Variants in NWD1 observed in about 807,000 individuals in gnomAD.
The protein encoded by NWD1 is NACHT domain- and WD repeat-containing protein 1.
NWD1 carries 129 observed loss-of-function variants against 135.1 expected under a neutral mutation model. The ratio of observed to expected loss-of-function variants is 0.96; its 90% CI spans 0.83 to 1.11. The LOEUF (loss-of-function observed/expected upper bound fraction) is 1.11. Ranked by LOEUF, NWD1 falls within the 50% of genes least tolerant of loss-of-function variation. The pLI is 0.00. For synonymous variants in NWD1, 773 were observed against 786.0 expected (o/e 0.98, Z 0.28); for missense variants, 1,740 against 1,851.3 (o/e 0.94, Z 1.10).
intron 2 of NWD1, chr19:16,727,813 C>T (rs1414607456): frequency 6.5e-6 from 1 of 152,728 alleles, no homozygotes; most frequent in Non-Finnish European, 1.5e-5. Context: ...GTAATCCCAG[C>T]ACTTTGGGAG....
Position 16,744,474 on chromosome 19 carries a change from GA to G in NWD1, c.254del (p.Lys85ArgfsTer6), listed in dbSNP as rs1343588149. ...PCLIPSRIDE[K>X]EWEVLRDHLT... ...GTCTGATTCCCTCGCGGATCGATGAGAAGGAGTGGGAGGTATTGAGGGACCA... is the reference window on the plus strand; with the variant it reads ...GTCTGATTCCCTCGCGGATCGATGAGAGGAGTGGGAGGTATTGAGGGACCA... On this transcript the variant is annotated frameshift_variant, in exon 5 of 19. Coordinates refer to ENST00000524140, the MANE Select transcript of NWD1 (RefSeq NM_001007525.5). LOFTEE classifies it high-confidence loss of function. 1 of 1,535,736 alleles carries G rather than the reference GA, an allele frequency of 6.5e-7. No individual in the cohort carries two copies. The highest frequency in any genetic ancestry group is 2.0e-5 in the Admixed American group (1 of 50,964).
intron 10 of NWD1, among the ~76,000 whole-genome samples, chr19:16,770,058 C>T (rs1156618284): frequency 6.6e-6 from 1 of 152,124 alleles, no homozygotes; most frequent in Non-Finnish European, 1.5e-5. Context: ...ATCTGTCTGC[C>T]ACATCAGACT....
chr19:16,808,279 G>A lies in NWD1; in HGVS notation c.4287+143G>A, dbSNP rs963267007. 2.2e-5 allele frequency: 16 copies of A among 737,280 alleles called. No homozygotes were observed. The African/African-American group carries it at 2.8e-4, about 13-fold the overall frequency. The allele number at this position is 737,280 out of a possible 1,614,324, so 45.7% of individuals were successfully genotyped here. A position where few individuals can be genotyped will look rare whatever the true frequency, so the allele number is the denominator to read the frequency against. On this transcript the variant is annotated intron_variant, in intron 18 of 18. Transcript: ENST00000524140. ...AAAATGAGGCACTTGGTCAGGCGCAGTGGCTCACGCCTGTAATCCCAGTAC... is the reference window on the plus strand; with the variant it reads ...AAAATGAGGCACTTGGTCAGGCGCAATGGCTCACGCCTGTAATCCCAGTAC...
intron 3 of NWD1, among the ~76,000 whole-genome samples, chr19:16,736,193 T>TTTCCTTCTTTCCTTCTTTCCTTCCTTCC (rs1383779778): frequency 0.027 from 845 of 31,884 alleles, 9 homozygotes; most frequent in African/African-American, 0.065. Flanking sequence ...TCTTTCCTTC[T>TTTCCTTCTTTCCTTCTTTCCTTCCTTCC]TTCCTTCCTT....
In NWD1 at chr19:16,791,405, C is replaced by T; in HGVS notation, c.2996C>T (p.Ala999Val). Residue 999 changes from alanine (A) to valine (V), a missense_variant, in exon 14 of 19, where the codon GCC becomes GTC. Ala to Val is a moderately conservative substitution (Grantham distance 64). Coordinates refer to ENST00000524140, the MANE Select transcript of NWD1 (RefSeq NM_001007525.5). ...CCGGTATTCCATATCCTGGGAGATG[C>T]CTCTGATCCTTGGATGTGCATGGCC... Reference protein sequence around the residue: ...AEPVFHILGDASDPWMCMAVL... With the variant: ...AEPVFHILGDVSDPWMCMAVL... The T allele has an allele frequency of 6.2e-7, 1 of 1,613,876 alleles. No individual in the cohort carries two copies. Among genetic ancestry groups the T allele is most frequent in the South Asian group, 1.1e-5 (1 of 91,078 alleles).
At chr19:16,735,537 A>G (rs1967758790) in intron 3 of NWD1, among the ~76,000 whole-genome samples, 2 of 150,720 alleles carry the variant, frequency 1.3e-5, no homozygotes, top group Admixed American at 1.3e-4. Context: ...AGAAAGAAAG[A>G]AAGAAATCAG....
intron 14 of NWD1, among the ~76,000 whole-genome samples, chr19:16,792,841 C>T (rs1212010441): frequency 1.4e-5 from 2 of 147,138 alleles, no homozygotes; most frequent in Non-Finnish European, 3.0e-5. Flanking sequence ...CATGCCATTG[C>T]ACTCCAGCCT....
At position 16,736,767 on chromosome 19, in the gene NWD1, G is replaced by A. The variant is rs756358334; in HGVS notation, c.198+17G>A. The A allele has an allele frequency of 1.1e-5, 15 of 1,393,688 alleles. No individual in the cohort carries two copies. The South Asian group carries it at 1.8e-4, about 17-fold the overall frequency. 86.3% of individuals were successfully genotyped at this position (1,393,688 alleles called of 1,614,324 possible). On this transcript the variant is annotated intron_variant, in intron 4 of 18. Transcript: ENST00000524140. ...GCTTTTGTTGTGAGTGTCTTGGGAGGAATGGGTTAGCTCTTACTCCTCCAG... is the reference window on the plus strand; with the variant it reads ...GCTTTTGTTGTGAGTGTCTTGGGAGAAATGGGTTAGCTCTTACTCCTCCAG...
In NWD1 at chr19:16,789,001, A is replaced by G; in HGVS notation, c.2751A>G (p.Lys917=). Residue 917 remains lysine, a synonymous_variant, in exon 13 of 19, where the codon AAA becomes AAG. Transcript: ENST00000524140. The part of the protein sequence containing the change: ...TGHTGEVRCV[K]IFAKGTLANS... ...CTGCAGGAGAGGTGAGGTGTGTGAA[A>G]ATATTTGCCAAAGGGACCCTCGCCA... 6.2e-7 allele frequency: 1 copy of G among 1,611,964 alleles called. No homozygotes were observed. The highest frequency in any genetic ancestry group is 1.1e-5 in the South Asian group (1 of 90,982).
chr19:16,744,873 T>C, intron 5 of NWD1, 155 bp downstream of exon 5: 1 of 689,884 alleles, frequency 1.4e-6, no homozygotes, highest in South Asian at 1.7e-5. Context: ...AAGGCTGTTT[T>C]ACTGATCCAA....
chr19:16,816,494 A>G lies in NWD1; in HGVS notation c.*1455A>G, dbSNP rs1165258559. The G allele has an allele frequency of 6.6e-6, 1 of 152,158 alleles. No homozygotes were observed. The highest frequency in any genetic ancestry group is 1.5e-5 in the Non-Finnish European group (1 of 68,026). The allele number at this position is 152,158 out of a possible 1,614,324, so 9.4% of individuals were successfully genotyped here. On this transcript the variant is annotated 3_prime_UTR_variant, in exon 19 of 19. Coordinates refer to ENST00000524140, the MANE Select transcript of NWD1 (RefSeq NM_001007525.5). ...GATAAAGATGTGGGTTTTTAATCTT[A>G]AAAACTGGAGGCTCTTGGAAGTAGA...
intron 1 of NWD1, chr19:16,721,276 G>A (rs1318544158): frequency 6.6e-6 from 1 of 152,104 alleles, no homozygotes; most frequent in Non-Finnish European, 1.5e-5. Context: ...CCACCACAGA[G>A]GATGATCTGG....
Position 16,773,951 on chromosome 19 carries a change from CA to C in NWD1, c.2608+629del, listed in dbSNP as rs1213310344. On this transcript the variant is annotated intron_variant, in intron 11 of 18. Coordinates refer to ENST00000524140, the MANE Select transcript of NWD1 (RefSeq NM_001007525.5). ...TCATCCATCCATCTATCCATCCATC[CA>C]TCCATCCATCCATCCATCCATCCAT... Among the ~76,000 whole-genome samples the C allele has an allele frequency of 4.0e-3, 434 of 108,704 alleles. 4 individuals are homozygous for C. The highest frequency in any genetic ancestry group is 0.037 in the African/African-American group (399 of 10,720). The allele number at this position is 108,704 out of a possible 152,430, so 71.3% of individuals were successfully genotyped here.
At chr19:16,726,795 T>C (rs898925299) in intron 2 of NWD1, among the ~76,000 whole-genome samples, 2 of 152,178 alleles carry the variant, frequency 1.3e-5, no homozygotes, top group Non-Finnish European at 2.9e-5. Context: ...GATCATTCTT[T>C]GTGGGGGCTT....
At chr19:16,734,744 A>C (rs1278300900) in intron 3 of NWD1, among the ~76,000 whole-genome samples, 4 of 149,676 alleles carry the variant, frequency 2.7e-5, no homozygotes, top group Non-Finnish European at 4.4e-5. Flanking sequence ...CTATTTATTT[A>C]TTTATTTATT....
Position 16,815,833 on chromosome 19 carries a change from C to T in NWD1, c.*794C>T. ...CAAATCACTGATGTGGACCACAGAA[C>T]CTCACAGTTTATAAAGCTGTAGGTG... On this transcript the variant is annotated 3_prime_UTR_variant, in exon 19 of 19. Coordinates refer to ENST00000524140, the MANE Select transcript of NWD1 (RefSeq NM_001007525.5). 6.5e-6 allele frequency: 1 copy of T among 154,052 alleles called. No individual in the cohort carries two copies. Among genetic ancestry groups the T allele is most frequent in the East Asian group, 1.9e-4 (1 of 5,226 alleles). 9.5% of individuals were successfully genotyped at this position (154,052 alleles called of 1,614,324 possible).
intron 10 of NWD1, among the ~76,000 whole-genome samples, chr19:16,770,513 A>G (rs1345381109): frequency 6.6e-6 from 1 of 152,154 alleles, no homozygotes. Context: ...AGAACAGACA[A>G]ATACACACAG....
chr19:16,764,232 T>A (rs1054536471), intron 9 of NWD1, among the ~76,000 whole-genome samples: 7 of 152,078 alleles, frequency 4.6e-5, no homozygotes, highest in African/African-American at 1.7e-4. Context: ...CAGAAAATAA[T>A]CTAGCTCCAA....
chr19:16,810,658 G>A (rs1970899112), intron 18 of NWD1, among the ~76,000 whole-genome samples: 1 of 151,944 alleles, frequency 6.6e-6, no homozygotes, highest in Non-Finnish European at 1.5e-5. Flanking sequence ...AGCTAGTTAG[G>A]AGGCTGAGGT....
Sources: allele counts gnomAD v4.1 joint callset (sites outside exome capture counted in the v4.1 genomes callset), GRCh38; gene constraint gnomAD v4.1.1; transcripts MANE v1.5; gene names NCBI Gene and HGNC (gene_info 2026-07-23, HGNC 2026-07-21).